ATRIP: variants seen among roughly 807,000 people sequenced by gnomAD.
ATRIP encodes the protein ATR-interacting protein.
In ATRIP, 44 loss-of-function variants were observed where a neutral mutation model predicts 78.1. That is an observed-to-expected ratio of 0.56 (90% CI 0.44 to 0.72). The LOEUF is 0.72. Among genes scored for constraint, ATRIP ranks in the 30% least tolerant of loss-of-function variants. The pLI is 0.00. For synonymous variants in ATRIP, 388 were observed against 408.9 expected, an observed-to-expected ratio of 0.95 and a Z score of 0.62; for missense variants, 927 against 980.2, an observed-to-expected ratio of 0.95 and a Z score of 0.72.
At chr3:48,461,724 G>A (rs1356491170) in intron 8 of ATRIP, among the ~76,000 whole-genome samples, 1 of 152,066 alleles carries the variant, frequency 6.6e-6, no homozygotes, top group Non-Finnish European at 1.5e-5. Context: ...TTTGTTTTGA[G>A]ACGAAGTTTT....
Position 48,466,847 on chromosome 3 carries a change from A to C in ATRIP, c.*1293A>C, listed in dbSNP as rs2107256574. On this transcript the variant is annotated 3_prime_UTR_variant, in exon 13 of 13. Coordinates refer to ENST00000320211, the MANE Select transcript of ATRIP (RefSeq NM_130384.3). ...CAGTTCCTCCACCACCGCGTGTGGT[A>C]GACAAGCTCTCCCTGTGTGTGGCTC... 6.2e-7 allele frequency: 1 copy of C among 1,613,920 alleles called. No homozygotes were observed. Among genetic ancestry groups the C allele is most frequent in the Non-Finnish European group, 8.5e-7 (1 of 1,180,020 alleles).
chr3:48,462,371 A>G lies in ATRIP; in HGVS notation c.1746-1374A>G, dbSNP rs569940939. ...CACAGCCACAGCTGGGCATTTATCT[A>G]TTTCATGTACTGGGGCTCTTCATAA... is the stretch of plus-strand genomic sequence containing the variant. On this transcript the variant is annotated intron_variant, in intron 8 of 12. Transcript: ENST00000320211. Among the ~76,000 whole-genome samples the G allele has an allele frequency of 2.6e-5, 4 of 151,870 alleles. 1 individual carries two copies. The South Asian group carries it at 8.3e-4, about 32-fold the overall frequency.
chr3:48,464,883 G>C lies in ATRIP; in HGVS notation c.2108G>C (p.Arg703Thr), dbSNP rs777653289. 1 of 1,613,972 alleles carries C rather than the reference G, an allele frequency of 6.2e-7. No homozygotes were observed. The highest frequency in any genetic ancestry group is 8.5e-7 in the Non-Finnish European group (1 of 1,179,948). Residue 703 changes from arginine to threonine, a missense_variant, in exon 12 of 13, where the codon AGG becomes ACG. Arg to Thr is a moderately conservative substitution (Grantham distance 71). Coordinates refer to ENST00000320211, the MANE Select transcript of ATRIP (RefSeq NM_130384.3). ...CACAGACAGTGGCTGACAGTGCGGA[G>C]GGCAGGGGGACCCCCAAGGACCGAC... ...MLHRQWLTVRRAGGPPRTDQQ... is the reference protein window; with the variant it reads ...MLHRQWLTVRTAGGPPRTDQQ...
At chr3:48,458,886 C>T (rs1300411147) in intron 5 of ATRIP, among the ~76,000 whole-genome samples, 3 of 152,158 alleles carry the variant, frequency 2.0e-5, no homozygotes, top group Admixed American at 6.5e-5. Context: ...GTGTTACAAG[C>T]AGGCAGTAGA....
chr3:48,460,317 C>G lies in ATRIP; in HGVS notation c.1263C>G (p.Pro421=). Residue 421 remains proline, a synonymous_variant, in exon 8 of 13, where the codon CCC becomes CCG. Coordinates refer to ENST00000320211, the MANE Select transcript of ATRIP (RefSeq NM_130384.3). ...CQLPGAVHFL[P]LVQFFIGLHC... is the part of the protein sequence containing the mutation. ...TTCCTGGAGCCGTGCATTTCCTCCC[C>G]CTTGTACAGTTCTTCATCGGCTTAC... 1 of 1,613,880 alleles carries G rather than the reference C, an allele frequency of 6.2e-7. No homozygotes were observed. Among genetic ancestry groups the G allele is most frequent in the Non-Finnish European group, 8.5e-7 (1 of 1,179,882 alleles).
Position 48,447,281 on chromosome 3 carries a change from A to G in ATRIP, c.247+189A>G. On this transcript the variant is annotated intron_variant, in intron 1 of 12. Transcript: ENST00000320211. ...GATTTTAGGGGGAAATGCATTAGCC[A>G]GGTCAAACAGCCGATTTGAAACACA... The G allele has an allele frequency of 5.6e-6, 7 of 1,251,706 alleles. No individual in the cohort carries two copies. In the South Asian group the frequency reaches 2.3e-4, roughly 41 times the overall value. The allele number at this position is 1,251,706 out of a possible 1,614,324, so 77.5% of individuals were successfully genotyped here.
chr3:48,449,413 CAA>C (rs1297709851), intron 1 of ATRIP, among the ~76,000 whole-genome samples: 2 of 60,110 alleles, frequency 3.3e-5, no homozygotes, highest in African/African-American at 8.3e-5. Context: ...GACTCTGTCT[CAA>C]AAAAAAAAAA....
chr3:48,466,951 G>A lies in ATRIP; in HGVS notation c.*1397G>A, dbSNP rs778869156. The A allele has an allele frequency of 2.0e-5, 33 of 1,611,854 alleles. 1 individual carries two copies. The highest frequency in any genetic ancestry group is 2.2e-5 in the South Asian group (2 of 91,092). On this transcript the variant is annotated 3_prime_UTR_variant, in exon 13 of 13. Coordinates refer to ENST00000320211, the MANE Select transcript of ATRIP (RefSeq NM_130384.3). ...GTGCTGGCAGCGCATGGGCGTCAAT[G>A]TTTTGATGACAACCTGGCCAACCTG...
chr3:48,447,105 C>T lies in ATRIP; in HGVS notation c.247+13C>T. 1.3e-6 allele frequency: 2 copies of T among 1,506,234 alleles called. No homozygotes were observed. The highest frequency in any genetic ancestry group is 1.2e-5 in the South Asian group (1 of 80,220). The allele number at this position is 1,506,234 out of a possible 1,614,324, so 93.3% of individuals were successfully genotyped here. On this transcript the variant is annotated intron_variant, in intron 1 of 12. Coordinates refer to ENST00000320211, the MANE Select transcript of ATRIP (RefSeq NM_130384.3). ...CGGGACGTGTCCAGTGAGTGCTCCT[C>T]GCGGCCTTTTGCTCGGAGGGAGTTG...
chr3:48,465,598 T>A lies in ATRIP; in HGVS notation c.*44T>A, dbSNP rs921473259. 6.5e-7 allele frequency: 1 copy of A among 1,543,712 alleles called. No homozygotes were observed. Among genetic ancestry groups the A allele is most frequent in the African/African-American group, 1.4e-5 (1 of 73,308 alleles). Reference sequence around the variant, plus strand: ...ACATGGTGGCACCAGCACCACTCCTTTCCTTACCACATCAACTGATTAAAG... The same window carrying A: ...ACATGGTGGCACCAGCACCACTCCTATCCTTACCACATCAACTGATTAAAG... On this transcript the variant is annotated 3_prime_UTR_variant, in exon 13 of 13. Coordinates refer to ENST00000320211, the MANE Select transcript of ATRIP (RefSeq NM_130384.3).
At position 48,466,522 on chromosome 3, in the gene ATRIP, T is replaced by A. The variant is rs764993690; in HGVS notation, c.*968T>A. On this transcript the variant is annotated 3_prime_UTR_variant, in exon 13 of 13. Coordinates refer to ENST00000320211, the MANE Select transcript of ATRIP (RefSeq NM_130384.3). Reference sequence around the variant, plus strand: ...CCTGGAGCTCGCAGACAGGGCAGGATTGTGCAGGGAAGGCCTGAGATGTGC... The same window carrying A: ...CCTGGAGCTCGCAGACAGGGCAGGAATGTGCAGGGAAGGCCTGAGATGTGC... 3.1e-6 allele frequency: 5 copies of A among 1,613,866 alleles called. No homozygotes were observed. The highest frequency in any genetic ancestry group is 4.2e-6 in the Non-Finnish European group (5 of 1,179,954).
At chr3:48,450,363 G>A in intron 2 of ATRIP, 193 bp downstream of exon 2, 2 of 1,022,888 alleles carry the variant, frequency 2.0e-6, no homozygotes, top group East Asian at 3.1e-5. Context: ...TAATGCCAAA[G>A]GCAAGAAGAA....
intron 1 of ATRIP, among the ~76,000 whole-genome samples, chr3:48,448,478 G>A (rs1367557240): frequency 2.0e-5 from 3 of 152,180 alleles, no homozygotes; most frequent in Non-Finnish European, 4.4e-5. Flanking sequence ...TCCGCACCCA[G>A]CCATGAACAC....
intron 9 of ATRIP, 74 bp downstream of exon 9, chr3:48,463,955 A>G (rs1433112514): frequency 3.7e-6 from 6 of 1,605,156 alleles, no homozygotes; most frequent in Admixed American, 3.3e-5. Context: ...AACAGGGTCA[A>G]GGGCCTCAGA....
At position 48,465,751 on chromosome 3, in the gene ATRIP, G is replaced by A. The variant is rs920874990; in HGVS notation, c.*197G>A. 3 of 563,734 alleles carry A rather than the reference G, an allele frequency of 5.3e-6. No individual in the cohort carries two copies. In the East Asian group the frequency reaches 9.5e-5, roughly 18 times the overall value. The allele number at this position is 563,734 out of a possible 1,614,324, so 34.9% of individuals were successfully genotyped here. A position where few individuals can be genotyped will look rare whatever the true frequency, so the allele number is the denominator to read the frequency against. ...GGCTGGGATCCTTCTTCCTGTCCCT[G>A]GCTGTTGCTGAGCCCGTCCCCATGG... On this transcript the variant is annotated 3_prime_UTR_variant, in exon 13 of 13. Coordinates refer to ENST00000320211, the MANE Select transcript of ATRIP (RefSeq NM_130384.3).
At chr3:48,459,554 T>C (rs2040043179) in intron 6 of ATRIP, 100 bp downstream of exon 6, 4 of 1,289,154 alleles carry the variant, frequency 3.1e-6, no homozygotes, top group Non-Finnish European at 4.5e-6. Flanking sequence ...CGGGCAGTCC[T>C]TCAGAGAGTC....
intron 8 of ATRIP, 21 bp downstream of exon 8, chr3:48,460,820 C>T (rs755645183): frequency 1.3e-6 from 2 of 1,569,076 alleles, no homozygotes; most frequent in Non-Finnish European, 1.7e-6. Context: ...GCATAGGAGT[C>T]ATGATTCTTT....
intron 5 of ATRIP, among the ~76,000 whole-genome samples, chr3:48,458,694 G>C (rs1292428111): frequency 6.6e-6 from 1 of 152,108 alleles, no homozygotes. Flanking sequence ...CTGTTTTTTA[G>C]AGAGAGACAA....
At chr3:48,463,925 A>C (rs1310490237) in intron 9 of ATRIP, 44 bp downstream of exon 9, 2 of 1,611,722 alleles carry the variant, frequency 1.2e-6, no homozygotes, top group Non-Finnish European at 1.7e-6. Flanking sequence ...CCTGCAGATC[A>C]AGGGAAGGGT....
Sources: gnomAD v4.1 joint callset for allele counts (sites outside exome capture counted in the v4.1 genomes callset) on GRCh38, gnomAD v4.1.1 for gene constraint, MANE v1.5 for transcripts, NCBI Gene and HGNC (gene_info 2026-07-23, HGNC 2026-07-21) for gene names.